Variants in MIPOL1 observed in about 807,000 individuals in gnomAD.
MIPOL1 encodes the protein mirror-image polydactyly gene 1 protein.
MIPOL1 carries 57 observed loss-of-function variants against 60.9 expected under a neutral mutation model. The observed-to-expected ratio is 0.94, with a 90% CI of 0.76 to 1.17. The LOEUF (loss-of-function observed/expected upper bound fraction) is 1.17. Among genes scored for constraint, MIPOL1 ranks in the 50% most tolerant of loss-of-function variants. The pLI, the probability that MIPOL1 is intolerant of heterozygous loss-of-function variation, is 0.00. For synonymous variants in MIPOL1, 179 were observed against 168.8 expected, an observed-to-expected ratio of 1.06 and a Z score of -0.47; for missense variants, 551 against 511.6, an observed-to-expected ratio of 1.08 and a Z score of -0.74.
chr14:37,469,599 A>G lies in MIPOL1; in HGVS notation c.1032-30309A>G, dbSNP rs186158156. Among the ~76,000 whole-genome samples the G allele has an allele frequency of 3.3e-3, 502 of 152,282 alleles. 2 individuals are homozygous for G. The highest frequency in any genetic ancestry group is 0.011 in the South Asian group (53 of 4,826). ...TAAGATGGTGATAATGGGGCTTGCTATGGTTTGAATGTGTCCCCCAGAAGT... is the reference window on the plus strand; with the variant it reads ...TAAGATGGTGATAATGGGGCTTGCTGTGGTTTGAATGTGTCCCCCAGAAGT... On this transcript the variant is annotated intron_variant, in intron 11 of 12. Coordinates refer to ENST00000684589, the MANE Select transcript of MIPOL1 (RefSeq NM_001388067.1).
chr14:37,407,633 T>C (rs1035747740), intron 10 of MIPOL1, among the ~76,000 whole-genome samples: 1 of 152,006 alleles, frequency 6.6e-6, no homozygotes, highest in Non-Finnish European at 1.5e-5. Flanking sequence ...TAGTTCTTAT[T>C]TAAATAATTA....
intron 3 of MIPOL1, among the ~76,000 whole-genome samples, chr14:37,249,792 G>C (rs2153360254): frequency 6.6e-6 from 1 of 152,048 alleles, no homozygotes; most frequent in Middle Eastern, 3.4e-3. Context: ...CTTTTAAAGA[G>C]CTCAAAAGCA....
intron 12 of MIPOL1, among the ~76,000 whole-genome samples, chr14:37,527,528 A>G (rs1282133438): frequency 6.6e-6 from 1 of 152,134 alleles, no homozygotes; most frequent in Non-Finnish European, 1.5e-5. Flanking sequence ...TCAGTCATAA[A>G]TCATCTCTTC....
At chr14:37,507,925 C>A (rs2095293803) in intron 12 of MIPOL1, 1 of 151,980 alleles carries the variant, frequency 6.6e-6, no homozygotes. Flanking sequence ...ATCCCTTTTT[C>A]TTCTGATTTC....
chr14:37,478,908 CAA>C (rs1170696045), intron 11 of MIPOL1, among the ~76,000 whole-genome samples: 6 of 151,320 alleles, frequency 4.0e-5, no homozygotes, highest in East Asian at 1.9e-4. Flanking sequence ...AAAAAAAAGA[CAA>C]AGAGGACATT....
intron 11 of MIPOL1, among the ~76,000 whole-genome samples, chr14:37,483,223 C>T (rs750962013): frequency 3.3e-5 from 5 of 151,572 alleles, no homozygotes; most frequent in Non-Finnish European, 7.4e-5. Context: ...AGCGATTCTC[C>T]TGTCTCAGCC....
chr14:37,445,989 T>G (rs1228207759), intron 11 of MIPOL1, among the ~76,000 whole-genome samples: 1 of 151,912 alleles, frequency 6.6e-6, no homozygotes, highest in Non-Finnish European at 1.5e-5. Context: ...AACCTAGGCA[T>G]TACCATTCAG....
chr14:37,355,103 T>C (rs975278183), intron 9 of MIPOL1, among the ~76,000 whole-genome samples: 2 of 148,964 alleles, frequency 1.3e-5, no homozygotes, highest in African/African-American at 4.9e-5. Context: ...GCAGGCCTGG[T>C]GGTGACAAAA....
At position 37,268,694 on chromosome 14, in the gene MIPOL1, A is replaced by G. The variant is rs1261187071; in HGVS notation, c.288A>G (p.Glu96=). The stretch of plus-strand genomic sequence containing the variant: ...ATAGACATAATGATATGCATTATGA[A>G]TGTATGACTCCTTGTCAAGTTACTT... ...MEHRHNDMHY[E]CMTPCQVTSD... The change falls in exon 5 of 13, where the codon GAA becomes GAG. Residue 96 remains glutamate (E), a synonymous_variant. Transcript: ENST00000684589. The G allele has an allele frequency of 1.2e-6, 2 of 1,602,514 alleles. No individual in the cohort carries two copies. The highest frequency in any genetic ancestry group is 1.1e-5 in the South Asian group (1 of 89,570).
At chr14:37,398,576 T>G (rs1413705453) in intron 10 of MIPOL1, among the ~76,000 whole-genome samples, 1 of 152,198 alleles carries the variant, frequency 6.6e-6, no homozygotes, top group African/African-American at 2.4e-5. Context: ...TTAGGCACAT[T>G]TCTAGGGAGA....
intron 11 of MIPOL1, among the ~76,000 whole-genome samples, chr14:37,479,147 C>A (rs562717821): frequency 6.6e-6 from 1 of 152,030 alleles, no homozygotes; most frequent in Non-Finnish European, 1.5e-5. Flanking sequence ...ATTATACAGA[C>A]AGAAAATTAA....
At chr14:37,406,465 T>C (rs1483736127) in intron 10 of MIPOL1, among the ~76,000 whole-genome samples, 1 of 152,136 alleles carries the variant, frequency 6.6e-6, no homozygotes, top group Non-Finnish European at 1.5e-5. Flanking sequence ...GAGAAATGTT[T>C]ACGACTCAAG....
chr14:37,306,208 A>G (rs1482631481), intron 7 of MIPOL1, among the ~76,000 whole-genome samples: 1 of 151,912 alleles, frequency 6.6e-6, no homozygotes, highest in Non-Finnish European at 1.5e-5. Context: ...GTAATGCTTT[A>G]CATTGCAATG....
At chr14:37,250,800 T>C (rs910413252) in intron 3 of MIPOL1, among the ~76,000 whole-genome samples, 8 of 152,144 alleles carry the variant, frequency 5.3e-5, no homozygotes, top group African/African-American at 1.7e-4. Context: ...AATTAAAACT[T>C]GTATTACACA....
intron 3 of MIPOL1, among the ~76,000 whole-genome samples, chr14:37,248,972 G>A (rs8018823): frequency 0.29 from 42,572 of 147,118 alleles, 6,096 homozygotes; most frequent in South Asian, 0.33. Flanking sequence ...AAAAACAAAT[G>A]GAAGGATGGA....
At chr14:37,498,237 G>T (rs1203382083) in intron 11 of MIPOL1, among the ~76,000 whole-genome samples, 1 of 152,040 alleles carries the variant, frequency 6.6e-6, no homozygotes, top group Non-Finnish European at 1.5e-5. Context: ...CTAGATTTCT[G>T]CATTTGTTCT....
At chr14:37,396,239 G>C (rs561727374) in intron 10 of MIPOL1, among the ~76,000 whole-genome samples, 48 of 152,140 alleles carry the variant, frequency 3.2e-4, no homozygotes, top group Non-Finnish European at 6.5e-4. Flanking sequence ...ATGATGTTTA[G>C]TTTTGCTGGA....
intron 1 of MIPOL1, among the ~76,000 whole-genome samples, chr14:37,245,470 G>A (rs1973055314): frequency 1.3e-5 from 2 of 152,028 alleles, no homozygotes; most frequent in Non-Finnish European, 1.5e-5. Context: ...TGACATCAAG[G>A]GCAAAGCAAA....
chr14:37,271,557 T>C (rs192970387), intron 6 of MIPOL1, among the ~76,000 whole-genome samples: 35 of 152,018 alleles, frequency 2.3e-4, no homozygotes, highest in African/African-American at 8.4e-4. Context: ...AGCTGAATAC[T>C]AGATAGTTGC....
Sources: allele counts gnomAD v4.1 joint callset (sites outside exome capture counted in the v4.1 genomes callset), GRCh38; gene constraint gnomAD v4.1.1; transcripts MANE v1.5; gene names NCBI Gene and HGNC (gene_info 2026-07-23, HGNC 2026-07-21).